The following RMDN2 variants were observed in gnomAD, a reference collection of about 807,000 sequenced individuals.
The protein encoded by RMDN2 is regulator of microtubule dynamics protein 2.
RMDN2 carries 61 observed loss-of-function variants against 52.8 expected under a neutral mutation model. That is an observed-to-expected ratio of 1.16 (90% CI 0.94 to 1.43). RMDN2 has a LOEUF of 1.43. Among genes scored for constraint, RMDN2 ranks in the 40% most tolerant of loss-of-function variants. The probability of loss-of-function intolerance (pLI) is 0.00; values close to 1 mark genes in which losing one functional copy is unlikely to be tolerated. For missense variants in RMDN2, 592 were observed against 475.3 expected, an observed-to-expected ratio of 1.25 and a Z score of -2.28; for synonymous variants, 180 against 153.1, an observed-to-expected ratio of 1.18 and a Z score of -1.30.
intron 2 of RMDN2, among the ~76,000 whole-genome samples, chr2:37,938,061 T>G (rs1295391148): frequency 2.6e-5 from 4 of 152,230 alleles, no homozygotes; most frequent in Non-Finnish European, 5.9e-5. Context: ...TCAGATATGT[T>G]CCATCAATAC....
intron 10 of RMDN2, among the ~76,000 whole-genome samples, chr2:38,007,575 G>A (rs186168676): frequency 0.011 from 1,602 of 152,038 alleles, 20 homozygotes; most frequent in African/African-American, 0.037. Context: ...TTTTTATTGC[G>A]TCTATTTGAT....
chr2:37,953,023 T>A (rs115652281), intron 2 of RMDN2: 1 of 152,008 alleles, frequency 6.6e-6, no homozygotes, highest in Non-Finnish European at 1.5e-5. Flanking sequence ...AGAATACAAT[T>A]AGATTTTGTA....
At position 38,002,404 on chromosome 2, in the gene RMDN2, A is replaced by T. The variant is rs912795634; in HGVS notation, c.1045-1587A>T. ...TTCCTTTCATTATGATTCATGCAGA[A>T]TATGAAATACAGCTATTGAAAATGA... On this transcript the variant is annotated intron_variant, in intron 8 of 10. Transcript: ENST00000354545. Among the ~76,000 whole-genome samples the T allele has an allele frequency of 2.6e-5, 4 of 152,210 alleles. No homozygotes were observed. The East Asian group carries it at 7.7e-4, about 29-fold the overall frequency.
intron 10 of RMDN2, among the ~76,000 whole-genome samples, chr2:38,037,667 C>T (rs915870342): frequency 6.6e-6 from 1 of 152,206 alleles, no homozygotes; most frequent in Admixed American, 6.5e-5. Context: ...TGATACTTCC[C>T]TGAATTCCCA....
At chr2:37,951,186 T>A (rs775779694) in intron 2 of RMDN2, 1 of 1,509,062 alleles carries the variant, frequency 6.6e-7, no homozygotes, top group African/African-American at 1.4e-5. Context: ...AGGTCTCCAC[T>A]CTGCTCCCTA....
At chr2:37,987,578 G>T (rs558476330) in intron 5 of RMDN2, among the ~76,000 whole-genome samples, 1 of 152,222 alleles carries the variant, frequency 6.6e-6, no homozygotes, top group South Asian at 2.1e-4. Flanking sequence ...ATTTTTATAG[G>T]AAGTAAAACT....
At chr2:38,061,337 C>T (rs1346449259) in intron 10 of RMDN2, among the ~76,000 whole-genome samples, 1 of 152,210 alleles carries the variant, frequency 6.6e-6, no homozygotes, top group Non-Finnish European at 1.5e-5. Context: ...CCACCAGTGC[C>T]ATCGGCCAAG....
intron 2 of RMDN2, among the ~76,000 whole-genome samples, chr2:37,947,846 G>A (rs1159616586): frequency 6.6e-6 from 1 of 152,178 alleles, no homozygotes; most frequent in Admixed American, 6.5e-5. Context: ...CATGTTCTTT[G>A]TGTTAAGGAT....
chr2:38,046,108 A>G (rs557488932), intron 10 of RMDN2, among the ~76,000 whole-genome samples: 2 of 152,346 alleles, frequency 1.3e-5, no homozygotes, highest in African/African-American at 4.8e-5. Flanking sequence ...AGATGGCCCT[A>G]GCTATTCACA....
rs1016335722 is a variant in RMDN2, at chr2:38,004,276, C to G, written c.1179+60C>G. The G allele has an allele frequency of 4.5e-6, 5 of 1,106,454 alleles. No individual in the cohort carries two copies. The African/African-American group carries it at 6.2e-5, about 14-fold the overall frequency. The allele number at this position is 1,106,454 out of a possible 1,614,324, so 68.5% of individuals were successfully genotyped here. A position where few individuals can be genotyped will look rare whatever the true frequency, so the allele number is the denominator to read the frequency against. On this transcript the variant is annotated intron_variant, in intron 10 of 10. Transcript: ENST00000354545. ...TTGTTAGTACTATTCGAGCTCAAAA[C>G]AGGAATAACTCGCTTAGATACATTT...
At chr2:37,966,071 G>A (rs183989838) in intron 2 of RMDN2, among the ~76,000 whole-genome samples, 10 of 152,234 alleles carry the variant, frequency 6.6e-5, no homozygotes, top group Non-Finnish European at 8.8e-5. Context: ...AGTACTTTAA[G>A]TATGATATTC....
chr2:38,021,265 AGCTCTCTGTAAAACAGACCAATTG>A (rs1000451985), downstream of RMDN2, among the ~76,000 whole-genome samples: 1 of 152,194 alleles, frequency 6.6e-6, no homozygotes, highest in Admixed American at 6.5e-5. Flanking sequence ...CGGACCAATC[AGCTCTCTGTAAAACAGACCAATTG>A]GCTCTCTGTA....
chr2:38,005,106 C>T (rs1249342364), intron 10 of RMDN2, among the ~76,000 whole-genome samples: 1 of 152,116 alleles, frequency 6.6e-6, no homozygotes, highest in Non-Finnish European at 1.5e-5. Context: ...CATTGTTGGA[C>T]ATTTGGGTTG....
intron 2 of RMDN2, among the ~76,000 whole-genome samples, chr2:37,961,449 C>T (rs542324677): frequency 6.6e-6 from 1 of 151,816 alleles, no homozygotes; most frequent in East Asian, 2.0e-4. Flanking sequence ...AATCTGCAAT[C>T]TCTGTTATCC....
chr2:38,054,364 A>G (rs148071642), intron 10 of RMDN2, among the ~76,000 whole-genome samples: 91 of 152,378 alleles, frequency 6.0e-4, no homozygotes, highest in Non-Finnish European at 1.0e-3. Flanking sequence ...TTAGGCAACT[A>G]TAAAACATTG....
chr2:38,025,049 T>A (rs1258784768), intron 10 of RMDN2, among the ~76,000 whole-genome samples: 1 of 152,132 alleles, frequency 6.6e-6, no homozygotes, highest in African/African-American at 2.4e-5. Flanking sequence ...TTTTTAAAAT[T>A]TCCATCAAGA....
At chr2:38,044,363 C>T (rs573183550) in intron 10 of RMDN2, among the ~76,000 whole-genome samples, 33 of 151,886 alleles carry the variant, frequency 2.2e-4, no homozygotes, top group Non-Finnish European at 3.4e-4. Context: ...ATTTTGTTTT[C>T]GGTATTTATC....
chr2:37,970,629 T>G (rs61533771), intron 2 of RMDN2, among the ~76,000 whole-genome samples: 21,561 of 152,186 alleles, frequency 0.14, 2,507 homozygotes, highest in East Asian at 0.62. Context: ...ATATGGCAGA[T>G]TTCACAATAA....
At chr2:38,008,982 A>G (rs1394551462) in intron 10 of RMDN2, among the ~76,000 whole-genome samples, 1 of 152,194 alleles carries the variant, frequency 6.6e-6, no homozygotes, top group Admixed American at 6.5e-5. Flanking sequence ...TTGGCTGGAT[A>G]TGAAATTCTG....
Sources: allele counts gnomAD v4.1 joint callset (sites outside exome capture counted in the v4.1 genomes callset), GRCh38; gene constraint gnomAD v4.1.1; transcripts MANE v1.5; gene names NCBI Gene and HGNC (gene_info 2026-07-23, HGNC 2026-07-21).